CCL26: variants seen among roughly 807,000 people sequenced by gnomAD.
CCL26 encodes the protein C-C motif chemokine ligand 26, also known as C-C motif chemokine 26.
A neutral mutation model predicts 10.7 loss-of-function variants in CCL26; 10 were observed. That is an observed-to-expected ratio of 0.93 (90% CI 0.57 to 1.58). The LOEUF is 1.58. CCL26 is among the 40% of genes most tolerant of loss of function. The pLI is 0.00. For synonymous variants in CCL26, 43 were observed against 41.4 expected, an observed-to-expected ratio of 1.04 and a Z score of -0.15; for missense variants, 116 against 111.0, an observed-to-expected ratio of 1.05 and a Z score of -0.20.
At chr7:75,772,855 G>T (rs1802860015), upstream of CCL26, among the ~76,000 whole-genome samples, 1 of 152,120 alleles carries the variant, frequency 6.6e-6, no homozygotes, top group African/African-American at 2.4e-5. Context: ...AAAAGCAGAG[G>T]AAATTAAGTA....
At chr7:75,781,610 T>A (rs1212539824) in intron 1 of CCL26, among the ~76,000 whole-genome samples, 1 of 152,170 alleles carries the variant, frequency 6.6e-6, no homozygotes, top group Non-Finnish European at 1.5e-5. Context: ...TGGCCTGAAG[T>A]AACTGAACAA....
At chr7:75,771,335 A>C (rs1270921436) in intron 2 of CCL26, among the ~76,000 whole-genome samples, 1 of 152,100 alleles carries the variant, frequency 6.6e-6, no homozygotes, top group Non-Finnish European at 1.5e-5. Flanking sequence ...GGAACCCTGC[A>C]CTCAACATGT....
chr7:75,776,649 C>G (rs1421830545), upstream of CCL26, among the ~76,000 whole-genome samples: 1 of 151,864 alleles, frequency 6.6e-6, no homozygotes, highest in Non-Finnish European at 1.5e-5. Flanking sequence ...ATGGCTGAGG[C>G]GTGAACACTT....
chr7:75,776,179 C>T (rs1192590780), upstream of CCL26, among the ~76,000 whole-genome samples: 1 of 150,172 alleles, frequency 6.7e-6, no homozygotes, highest in African/African-American at 2.4e-5. Context: ...TCACACGATT[C>T]TCCTGTCTCA....
chr7:75,788,932 GT>G (rs1803262177), intron 1 of CCL26, among the ~76,000 whole-genome samples: 1 of 151,532 alleles, frequency 6.6e-6, no homozygotes, highest in South Asian at 2.1e-4. Flanking sequence ...TCTTTTTCTT[GT>G]TTTTTAAGAT....
At chr7:75,783,838 G>A (rs1208536265) in intron 1 of CCL26, among the ~76,000 whole-genome samples, 1 of 151,240 alleles carries the variant, frequency 6.6e-6, no homozygotes, top group African/African-American at 2.4e-5. Flanking sequence ...ACCCAGTCCA[G>A]TTCATTGCCC....
At chr7:75,780,163 A>G (rs1207978278) in intron 1 of CCL26, among the ~76,000 whole-genome samples, 2 of 119,558 alleles carry the variant, frequency 1.7e-5, no homozygotes, top group African/African-American at 6.7e-5. Flanking sequence ...GGGGGCAAAC[A>G]CTTCCCACCC....
upstream of CCL26, among the ~76,000 whole-genome samples, chr7:75,772,556 G>A (rs549752079): frequency 3.3e-5 from 5 of 151,770 alleles, no homozygotes; most frequent in South Asian, 1.0e-3. Context: ...ACTCCTGAGG[G>A]TGAGGCAGGA....
intron 1 of CCL26, among the ~76,000 whole-genome samples, chr7:75,786,183 C>T (rs1460295215): frequency 6.6e-6 from 1 of 152,206 alleles, no homozygotes; most frequent in Non-Finnish European, 1.5e-5. Context: ...AGATACAACA[C>T]CTGACTCCCA....
At chr7:75,786,040 T>C (rs1803178194) in intron 1 of CCL26, among the ~76,000 whole-genome samples, 1 of 152,172 alleles carries the variant, frequency 6.6e-6, no homozygotes, top group Non-Finnish European at 1.5e-5. Context: ...TTCCAAAATC[T>C]ATTGTCTTCC....
intron 1 of CCL26, among the ~76,000 whole-genome samples, chr7:75,778,059 G>T (rs1442213493): frequency 6.6e-6 from 1 of 152,180 alleles, no homozygotes; most frequent in African/African-American, 2.4e-5. Flanking sequence ...GTACCCAGAA[G>T]TGAGGTTGCT....
At chr7:75,791,013 C>CTTTTTTTTTTTT (rs35608337), upstream of CCL26, among the ~76,000 whole-genome samples, 2 of 134,352 alleles carry the variant, frequency 1.5e-5, no homozygotes, top group Non-Finnish European at 3.2e-5. Flanking sequence ...GAAACTCCTC[C>CTTTTTTTTTTTT]TTTTTTTTTT....
At chr7:75,776,273 T>C (rs1056638511), upstream of CCL26, among the ~76,000 whole-genome samples, 3 of 151,544 alleles carry the variant, frequency 2.0e-5, no homozygotes, top group African/African-American at 7.3e-5. Context: ...GGTTTCACCA[T>C]GTTGGCCAGG....
upstream of CCL26, among the ~76,000 whole-genome samples, chr7:75,772,984 T>A (rs1554528335): frequency 3.3e-5 from 5 of 152,132 alleles, no homozygotes. Flanking sequence ...TGTGTGGAGC[T>A]CTGGATGGTC....
chr7:75,785,865 C>T (rs888926061), intron 1 of CCL26, among the ~76,000 whole-genome samples: 19 of 152,190 alleles, frequency 1.2e-4, no homozygotes, highest in African/African-American at 4.3e-4. Context: ...AATTCTTACA[C>T]AAGGACCGGG....
In CCL26 at chr7:75,789,044, C is replaced by T. The variant is rs984908248; in HGVS notation, c.-79+673G>A. Among the ~76,000 whole-genome samples the T allele has an allele frequency of 1.3e-5, 2 of 151,826 alleles. 1 individual carries two copies. The highest frequency in any genetic ancestry group is 2.9e-5 in the Non-Finnish European group (2 of 67,986). ...TCAAGGGATTCTCCCTCCTTAGCCACCCGAGTAGCCAGGACTACAGGTGCG... is the reference window on the plus strand; with the variant it reads ...TCAAGGGATTCTCCCTCCTTAGCCATCCGAGTAGCCAGGACTACAGGTGCG... On this transcript the variant is annotated intron_variant, in intron 1 of 3. Transcript: ENST00000394905.
intron 1 of CCL26, among the ~76,000 whole-genome samples, chr7:75,789,121 T>A (rs1329327959): frequency 2.2e-5 from 3 of 136,638 alleles, no homozygotes; most frequent in Non-Finnish European, 4.7e-5. Context: ...TTTGTAGAGA[T>A]GTGGCGGGCG....
upstream of CCL26, chr7:75,772,296 C>A: frequency 1.4e-6 from 1 of 697,320 alleles, no homozygotes; most frequent in South Asian, 1.8e-5. Flanking sequence ...GGAACAGAAG[C>A]AGCACTTTTG....
intron 1 of CCL26, among the ~76,000 whole-genome samples, chr7:75,781,996 C>T (rs1803075524): frequency 6.6e-6 from 1 of 152,142 alleles, no homozygotes; most frequent in Admixed American, 6.6e-5. Context: ...CCTGTCCTCA[C>T]CCTCACTCCA....
Sources: gnomAD v4.1 joint callset for allele counts (sites outside exome capture counted in the v4.1 genomes callset) on GRCh38, gnomAD v4.1.1 for gene constraint, MANE v1.5 for transcripts, NCBI Gene and HGNC (gene_info 2026-07-23, HGNC 2026-07-21) for gene names.